Variants in PTPRD observed in about 807,000 individuals in gnomAD.
PTPRD encodes receptor-type tyrosine-protein phosphatase delta.
PTPRD carries 34 observed loss-of-function variants against 214.5 expected under a neutral mutation model. The observed-to-expected ratio is 0.16, with a 90% CI of 0.12 to 0.21. PTPRD has a LOEUF of 0.21. Ranked by LOEUF, PTPRD falls within the 10% of genes least tolerant of loss-of-function variation. The pLI is 1.00. For missense variants in PTPRD, 2,545 were observed against 2,398.7 expected, an observed-to-expected ratio of 1.06 and a Z score of -1.27; for synonymous variants, 1,128 against 845.7, an observed-to-expected ratio of 1.33 and a Z score of -5.79.
At chr9:10,581,286 G>C (rs1476194157) in intron 2 of PTPRD, among the ~76,000 whole-genome samples, 1 of 152,080 alleles carries the variant, frequency 6.6e-6, no homozygotes, top group East Asian at 1.9e-4. Context: ...ATCTTAAAAA[G>C]AACCAGTTAT....
chr9:9,865,003 A>G (rs1376226843), intron 5 of PTPRD, among the ~76,000 whole-genome samples: 1 of 152,146 alleles, frequency 6.6e-6, no homozygotes, highest in Non-Finnish European at 1.5e-5. Context: ...TCTCTATATT[A>G]AAACATAAAC....
At chr9:9,534,807 C>T (rs2076196498) in intron 8 of PTPRD, among the ~76,000 whole-genome samples, 1 of 151,968 alleles carries the variant, frequency 6.6e-6, no homozygotes, top group Admixed American at 6.6e-5. Flanking sequence ...TTTACTTTTG[C>T]CTCTATCATA....
intron 11 of PTPRD, among the ~76,000 whole-genome samples, chr9:8,758,560 G>C (rs10977282): frequency 6.6e-6 from 1 of 152,116 alleles, no homozygotes; most frequent in African/African-American, 2.4e-5. Flanking sequence ...CATAAATTTT[G>C]GGCTGTCACA....
chr9:8,854,495 A>C (rs1275410035), intron 11 of PTPRD, among the ~76,000 whole-genome samples: 1 of 152,192 alleles, frequency 6.6e-6, no homozygotes, highest in Non-Finnish European at 1.5e-5. Context: ...TTTGGTCTGA[A>C]GGAAATCTAA....
chr9:9,734,400 A>G (rs2154444647), intron 7 of PTPRD, 133 bp downstream of exon 7: 1 of 152,256 alleles, frequency 6.6e-6, no homozygotes, highest in Non-Finnish European at 1.5e-5. Flanking sequence ...TCAAACTCAG[A>G]AGATGGAAAT....
At chr9:9,426,296 A>C (rs544192531) in intron 8 of PTPRD, among the ~76,000 whole-genome samples, 1 of 152,322 alleles carries the variant, frequency 6.6e-6, no homozygotes, top group South Asian at 2.1e-4. Context: ...ACGCCCATGG[A>C]GCCCTGCTCA....
chr9:9,842,986 G>A (rs2058692557), intron 5 of PTPRD, among the ~76,000 whole-genome samples: 1 of 152,048 alleles, frequency 6.6e-6, no homozygotes, highest in Non-Finnish European at 1.5e-5. Context: ...ACACTGTAAG[G>A]CAGGAGTTAG....
chr9:9,472,190 T>C (rs2094640948), intron 8 of PTPRD, among the ~76,000 whole-genome samples: 1 of 37,778 alleles, frequency 2.6e-5, no homozygotes, highest in African/African-American at 1.5e-4. Context: ...TACTCCAATC[T>C]TTTTTTTTTT....
chr9:10,240,269 T>C (rs1265478514), intron 3 of PTPRD, among the ~76,000 whole-genome samples: 1 of 152,020 alleles, frequency 6.6e-6, no homozygotes, highest in African/African-American at 2.4e-5. Flanking sequence ...GCTCCCATGC[T>C]ATGTAAAACT....
At chr9:9,394,070 C>A (rs1440870055) in intron 9 of PTPRD, among the ~76,000 whole-genome samples, 1 of 151,938 alleles carries the variant, frequency 6.6e-6, no homozygotes, top group Non-Finnish European at 1.5e-5. Flanking sequence ...ATTTTTTAAA[C>A]CATACATACA....
At chr9:10,467,085 A>T (rs1566257912) in intron 2 of PTPRD, among the ~76,000 whole-genome samples, 1 of 152,190 alleles carries the variant, frequency 6.6e-6, no homozygotes, top group Non-Finnish European at 1.5e-5. Context: ...CCTCACTCAG[A>T]AGACATTGCC....
chr9:9,428,433 G>C lies in PTPRD; in HGVS notation c.-236-30951C>G, dbSNP rs141928574. Among the ~76,000 whole-genome samples the C allele has an allele frequency of 7.2e-3, 1,102 of 152,242 alleles. 11 individuals are homozygous for C. The highest frequency in any genetic ancestry group is 0.024 in the African/African-American group (989 of 41,526). On this transcript the variant is annotated intron_variant, in intron 8 of 45. Coordinates refer to ENST00000381196, the MANE Select transcript of PTPRD (RefSeq NM_002839.4). The stretch of plus-strand genomic sequence containing the variant: ...CCATAGAGACCTACAAAGAGACTTA[G>C]ACTCCCACACAATAATAATCGGAGA...
intron 30 of PTPRD, among the ~76,000 whole-genome samples, chr9:8,473,576 C>T (rs959280393): frequency 2.0e-5 from 3 of 152,166 alleles, no homozygotes; most frequent in African/African-American, 7.2e-5. Context: ...TGCATATTAT[C>T]AGAGTGCTAC....
chr9:9,311,616 T>C (rs1959032892), intron 9 of PTPRD, among the ~76,000 whole-genome samples: 1 of 152,178 alleles, frequency 6.6e-6, no homozygotes, highest in African/African-American at 2.4e-5. Context: ...TTCTTGCATG[T>C]GATTTTCTAA....
chr9:10,508,412 G>C (rs1206053002), intron 2 of PTPRD, among the ~76,000 whole-genome samples: 1 of 152,170 alleles, frequency 6.6e-6, no homozygotes, highest in Non-Finnish European at 1.5e-5. Flanking sequence ...TCTAGAACTA[G>C]AAATACCACT....
intron 36 of PTPRD, among the ~76,000 whole-genome samples, chr9:8,397,602 T>A (rs1475297734): frequency 6.6e-6 from 1 of 152,142 alleles, no homozygotes; most frequent in South Asian, 2.1e-4. Flanking sequence ...TCACAGCTGT[T>A]TCAAATGAAT....
At chr9:9,503,207 T>C (rs989576999) in intron 8 of PTPRD, among the ~76,000 whole-genome samples, 1 of 151,818 alleles carries the variant, frequency 6.6e-6, no homozygotes, top group African/African-American at 2.4e-5. Context: ...TTATTCTTAT[T>C]TTAGTTATAG....
rs142562782 is a variant in PTPRD at position 9,274,484 on chromosome 9, T to A, written c.-202-91121A>T. Among the ~76,000 whole-genome samples, 559 of 151,406 alleles carry A rather than the reference T, an allele frequency of 3.7e-3. 2 individuals carry two copies. Among genetic ancestry groups the A allele is most frequent in the Admixed American group, 8.4e-3 (127 of 15,134 alleles). On this transcript the variant is annotated intron_variant, in intron 9 of 45. Coordinates refer to ENST00000381196, the MANE Select transcript of PTPRD (RefSeq NM_002839.4). ...TGGCAAATTATAAAGACTTAAGGTA[T>A]TATACTTCCAAGGATGAGTCTCATT...
intron 10 of PTPRD, among the ~76,000 whole-genome samples, chr9:9,023,132 C>T (rs990799284): frequency 6.6e-6 from 1 of 152,068 alleles, no homozygotes; most frequent in Admixed American, 6.6e-5. Context: ...GGATAAAGTG[C>T]ACACAAATGC....
Sources: gnomAD v4.1 joint callset for allele counts (sites outside exome capture counted in the v4.1 genomes callset) on GRCh38, gnomAD v4.1.1 for gene constraint, MANE v1.5 for transcripts, NCBI Gene and HGNC (gene_info 2026-07-23, HGNC 2026-07-21) for gene names.